SMURF1: variants seen among roughly 807,000 people sequenced by gnomAD.
SMURF1 encodes the protein E3 ubiquitin-protein ligase SMURF1.
Under a neutral mutation model 98.0 loss-of-function variants are expected in SMURF1, and 44 were observed. That is an observed-to-expected ratio of 0.45 (90% CI 0.35 to 0.58). SMURF1 has a LOEUF of 0.58. Ranked by LOEUF, SMURF1 falls within the 20% of genes least tolerant of loss-of-function variation. SMURF1 has a pLI of 0.00. For missense variants in SMURF1, 687 were observed against 938.4 expected, an observed-to-expected ratio of 0.73 and a Z score of 3.50; for synonymous variants, 396 against 374.9, an observed-to-expected ratio of 1.06 and a Z score of -0.65.
At chr7:99,063,278 T>G (rs1267892990) in intron 1 of SMURF1, among the ~76,000 whole-genome samples, 810 of 14,462 alleles carry the variant, frequency 0.056, 57 homozygotes, top group Non-Finnish European at 0.11. Flanking sequence ...TATATATATA[T>G]ATATATATAT....
chr7:99,133,548 C>T (rs1240657256), intron 1 of SMURF1, among the ~76,000 whole-genome samples: 1 of 151,868 alleles, frequency 6.6e-6, no homozygotes, highest in African/African-American at 2.4e-5. Flanking sequence ...AACTCTCATA[C>T]GCCACTGGTG....
At chr7:99,128,309 G>C (rs1215967716) in intron 1 of SMURF1, among the ~76,000 whole-genome samples, 1 of 152,144 alleles carries the variant, frequency 6.6e-6, no homozygotes. Context: ...TGGCTGATGA[G>C]GTTAAGCCAT....
chr7:99,058,314 G>A (rs1795935440), intron 3 of SMURF1, among the ~76,000 whole-genome samples: 2 of 151,938 alleles, frequency 1.3e-5, no homozygotes, highest in African/African-American at 2.4e-5. Flanking sequence ...ATTTTTAGTA[G>A]AGACGGGGTT....
At chr7:99,060,366 G>C (rs1584468433) in intron 3 of SMURF1, among the ~76,000 whole-genome samples, 1 of 131,442 alleles carries the variant, frequency 7.6e-6, no homozygotes, top group Admixed American at 8.6e-5. Context: ...GTGACAGAGT[G>C]AGACTCCGTC....
chr7:99,077,066 A>T (rs1317701837), intron 1 of SMURF1, among the ~76,000 whole-genome samples: 1 of 151,898 alleles, frequency 6.6e-6, no homozygotes, highest in Non-Finnish European at 1.5e-5. Flanking sequence ...GTGTATGTGG[A>T]TAAATGTGTA....
chr7:99,097,486 G>A (rs1186758593), intron 1 of SMURF1, among the ~76,000 whole-genome samples: 1 of 152,162 alleles, frequency 6.6e-6, no homozygotes, highest in Non-Finnish European at 1.5e-5. Flanking sequence ...CATTAAAAAA[G>A]GGCTCGAGGC....
intron 1 of SMURF1, among the ~76,000 whole-genome samples, chr7:99,131,390 A>G (rs1797868809): frequency 6.6e-6 from 1 of 151,728 alleles, no homozygotes; most frequent in African/African-American, 2.4e-5. Context: ...AGAAACAATC[A>G]GACTGTGGTC....
At chr7:99,061,239 A>T (rs994463899) in intron 2 of SMURF1, among the ~76,000 whole-genome samples, 1 of 152,184 alleles carries the variant, frequency 6.6e-6, no homozygotes, top group Admixed American at 6.5e-5. Flanking sequence ...TCTTGAAAGC[A>T]TGAATAATAC....
intron 1 of SMURF1, among the ~76,000 whole-genome samples, chr7:99,063,257 A>ATATAAGATT (rs1796092485): frequency 3.6e-4 from 2 of 5,566 alleles, no homozygotes; most frequent in Non-Finnish European, 8.1e-4. Context: ...ATATATATAT[A>ATATAAGATT]TATATATATA....
intron 1 of SMURF1, among the ~76,000 whole-genome samples, chr7:99,086,277 C>T (rs753603204): frequency 1.9e-4 from 29 of 151,292 alleles, no homozygotes; most frequent in African/African-American, 5.4e-4. Flanking sequence ...ACCTGGGAGA[C>T]GGAAGTTTCA....
chr7:99,040,615 C>T, intron 12 of SMURF1, 59 bp from the exon 13 acceptor site: 1 of 1,352,612 alleles, frequency 7.4e-7, no homozygotes, highest in Non-Finnish European at 9.6e-7. Context: ...ATGTGGGAAT[C>T]TCGTGCTGTC....
intron 9 of SMURF1, chr7:99,048,235 A>G (rs1016566047): frequency 8.3e-6 from 2 of 240,250 alleles, no homozygotes; most frequent in African/African-American, 4.5e-5. Flanking sequence ...TAAAAATACA[A>G]AAAATTAGCC....
At chr7:99,057,049 GACAAA>G (rs1052019833) in intron 5 of SMURF1, among the ~76,000 whole-genome samples, 151 bp downstream of exon 5, 2 of 147,616 alleles carry the variant, frequency 1.4e-5, no homozygotes, top group Non-Finnish European at 3.0e-5. Flanking sequence ...AACTACACAA[GACAAA>G]ACTTCCTAGT....
At chr7:99,053,684 C>G (rs946579995) in intron 6 of SMURF1, among the ~76,000 whole-genome samples, 1 of 152,186 alleles carries the variant, frequency 6.6e-6, no homozygotes, top group African/African-American at 2.4e-5. Flanking sequence ...CCGTGAGACA[C>G]ATTCCTGGTT....
chr7:99,129,032 C>T (rs559994297), intron 1 of SMURF1, among the ~76,000 whole-genome samples: 2 of 152,280 alleles, frequency 1.3e-5, no homozygotes, highest in East Asian at 1.9e-4. Flanking sequence ...TTAGATCATA[C>T]TCTATTATGT....
chr7:99,047,871 T>A lies in SMURF1; in HGVS notation c.965A>T (p.Gln322Leu). The change falls in exon 10 of 18, where the codon CAA becomes CTA. Residue 322 changes from glutamine to leucine, a missense_variant. Gln to Leu is a moderately radical substitution (Grantham distance 113, BLOSUM62 -2). Transcript: ENST00000361368. ...RLHHIMNHQCQLKEPSQPLPL... is the reference protein window; with the variant it reads ...RLHHIMNHQCLLKEPSQPLPL... ...CAGCGGCTGGCTGGGCTCCTTGAGT[T>A]GGCACTGGTGACTTGAGAAGAAGAG... The A allele has an allele frequency of 6.2e-7, 1 of 1,613,810 alleles. No homozygotes were observed. Among genetic ancestry groups the A allele is most frequent in the Non-Finnish European group, 8.5e-7 (1 of 1,180,022 alleles).
intron 1 of SMURF1, among the ~76,000 whole-genome samples, chr7:99,096,992 C>T (rs1796969019): frequency 6.6e-6 from 1 of 151,770 alleles, no homozygotes; most frequent in South Asian, 2.1e-4. Context: ...GGAAAATCTT[C>T]AAACACTTGG....
chr7:99,129,864 G>C (rs980331696), intron 1 of SMURF1, among the ~76,000 whole-genome samples: 1 of 152,188 alleles, frequency 6.6e-6, no homozygotes, highest in African/African-American at 2.4e-5. Flanking sequence ...CTTCAGCGAA[G>C]CATCTTACAA....
intron 1 of SMURF1, among the ~76,000 whole-genome samples, chr7:99,076,265 GA>G (rs1796454948): frequency 6.6e-6 from 1 of 152,154 alleles, no homozygotes; most frequent in Non-Finnish European, 1.5e-5. Context: ...AGTATGGAAA[GA>G]GAGGAAAAAA....
Sources: allele counts gnomAD v4.1 joint callset (sites outside exome capture counted in the v4.1 genomes callset), GRCh38; gene constraint gnomAD v4.1.1; transcripts MANE v1.5; gene names NCBI Gene and HGNC (gene_info 2026-07-23, HGNC 2026-07-21).